The following STK32B variants were observed in gnomAD, a reference collection of about 807,000 sequenced individuals.
STK32B encodes serine/threonine-protein kinase 32B.
STK32B carries 43 observed loss-of-function variants against 52.6 expected under a neutral mutation model. The observed-to-expected ratio is 0.82, with a 90% CI of 0.64 to 1.05. The LOEUF is 1.05. Among genes scored for constraint, STK32B ranks in the 50% least tolerant of loss-of-function variants. STK32B has a pLI of 0.00. For missense variants in STK32B, 621 were observed against 534.6 expected (o/e 1.16, Z -1.59); for synonymous variants, 238 against 204.3 (o/e 1.17, Z -1.41).
At position 5,358,456 on chromosome 4, in the gene STK32B, C is replaced by T. The variant is rs571997231; in HGVS notation, c.434+27063C>T. Reference sequence around the variant, plus strand: ...GGTTAAAGCTTTATTCCCGTGTTCTCCCTCCAGCTCTGAATCTCTTCCCCA... The same window carrying T: ...GGTTAAAGCTTTATTCCCGTGTTCTTCCTCCAGCTCTGAATCTCTTCCCCA... On this transcript the variant is annotated intron_variant, in intron 4 of 11. Transcript: ENST00000282908. Among the ~76,000 whole-genome samples, 391 of 152,286 alleles carry T rather than the reference C, an allele frequency of 2.6e-3. 2 individuals carry two copies. The highest frequency in any genetic ancestry group is 8.9e-3 in the African/African-American group (370 of 41,552).
At position 5,315,053 on chromosome 4, in the gene STK32B, G is replaced by T. The variant is rs79058704; in HGVS notation, c.261-16167G>T. Among the ~76,000 whole-genome samples the T allele has an allele frequency of 6.8e-3, 1,039 of 152,136 alleles. 20 individuals carry two copies. Among genetic ancestry groups the T allele is most frequent in the Middle Eastern group, 0.017 (5 of 294 alleles). ...TTAAAAGACAAGCTACAGAGGAGAA[G>T]AAAATATTTGCAAACCACATATTTG... On this transcript the variant is annotated intron_variant, in intron 3 of 11. Transcript: ENST00000282908.
intron 9 of STK32B, among the ~76,000 whole-genome samples, chr4:5,462,362 A>G (rs1040152632): frequency 2.7e-5 from 4 of 146,966 alleles, no homozygotes; most frequent in South Asian, 2.2e-4. Context: ...GTGTGTGCCT[A>G]TATGTCTGTG....
intron 11 of STK32B, among the ~76,000 whole-genome samples, chr4:5,483,373 G>A (rs1165167863): frequency 9.9e-5 from 15 of 152,094 alleles, no homozygotes; most frequent in Admixed American, 2.0e-4. Context: ...GTTTATTTGC[G>A]TAGAGGTGTT....
At chr4:5,293,992 A>T (rs1242463338) in intron 3 of STK32B, among the ~76,000 whole-genome samples, 1 of 152,132 alleles carries the variant, frequency 6.6e-6, no homozygotes, top group African/African-American at 2.4e-5. Flanking sequence ...GTCCAGTTTC[A>T]GTTTTCTGCA....
chr4:5,277,816 T>C (rs574615028), intron 3 of STK32B, among the ~76,000 whole-genome samples: 1 of 152,352 alleles, frequency 6.6e-6, no homozygotes, highest in East Asian at 1.9e-4. Context: ...GATATGTTCC[T>C]GGCAACCTAT....
chr4:5,116,184 G>GCACA (rs146380270), intron 1 of STK32B, among the ~76,000 whole-genome samples: 43 of 149,046 alleles, frequency 2.9e-4, no homozygotes, highest in Non-Finnish European at 4.2e-4. Flanking sequence ...GTGCATGCAC[G>GCACA]CACACACACA....
intron 1 of STK32B, among the ~76,000 whole-genome samples, chr4:5,087,026 T>C (rs1028936696): frequency 6.6e-6 from 1 of 152,206 alleles, no homozygotes; most frequent in Non-Finnish European, 1.5e-5. Context: ...GTTAACTACA[T>C]GGATAAATGA....
At chr4:5,153,102 C>T (rs977731448) in intron 2 of STK32B, among the ~76,000 whole-genome samples, 17 of 152,208 alleles carry the variant, frequency 1.1e-4, no homozygotes, top group Non-Finnish European at 2.2e-4. Flanking sequence ...AATGTCCCTC[C>T]CAGATACAGA....
At chr4:5,383,510 C>T (rs1475159811) in intron 4 of STK32B, among the ~76,000 whole-genome samples, 1 of 152,210 alleles carries the variant, frequency 6.6e-6, no homozygotes, top group Non-Finnish European at 1.5e-5. Flanking sequence ...CATTGTGAGC[C>T]AGCTCAGATG....
rs115318309 is a variant in STK32B at position 5,469,441 on chromosome 4, C to A, written c.1106+1371C>A. ...GTCCTAAGGGACATGTAGGGGAAAA[C>A]GCGGCATTCCAGGAGTAGGAAAAGT... On this transcript the variant is annotated intron_variant, in intron 11 of 11. Coordinates refer to ENST00000282908, the MANE Select transcript of STK32B (RefSeq NM_018401.3). The surrounding 1 kb of genome is among the most constrained non-coding windows in gnomAD (Gnocchi z 4.7). Among the ~76,000 whole-genome samples the A allele has an allele frequency of 2.0e-5, 3 of 152,122 alleles. No homozygotes were observed. Among genetic ancestry groups the A allele is most frequent in the Non-Finnish European group, 4.4e-5 (3 of 68,034 alleles).
chr4:5,061,207 T>C (rs1343685999), intron 1 of STK32B, among the ~76,000 whole-genome samples: 3 of 152,224 alleles, frequency 2.0e-5, no homozygotes, highest in Non-Finnish European at 4.4e-5. Flanking sequence ...TCCTTGTTTT[T>C]AGTCTGAATA....
chr4:5,074,097 C>A (rs1040530402), intron 1 of STK32B, among the ~76,000 whole-genome samples: 1 of 151,958 alleles, frequency 6.6e-6, no homozygotes, highest in East Asian at 1.9e-4. Flanking sequence ...TTGTCTCTCT[C>A]CTCCTTTTAG....
intron 4 of STK32B, among the ~76,000 whole-genome samples, chr4:5,342,500 T>C (rs1733153607): frequency 1.3e-5 from 2 of 152,152 alleles, no homozygotes; most frequent in Non-Finnish European, 2.9e-5. Flanking sequence ...AACTGAACAA[T>C]GAGAACACTT....
intron 9 of STK32B, among the ~76,000 whole-genome samples, chr4:5,461,022 G>C (rs879301979): frequency 3.9e-5 from 6 of 152,186 alleles, no homozygotes; most frequent in Non-Finnish European, 5.9e-5. Flanking sequence ...GACAGACGCT[G>C]AAAGTTTGGA....
At position 5,378,799 on chromosome 4, in the gene STK32B, G is replaced by A. The variant is rs1179960985; in HGVS notation, c.435-19408G>A. On this transcript the variant is annotated intron_variant, in intron 4 of 11. Coordinates refer to ENST00000282908, the MANE Select transcript of STK32B (RefSeq NM_018401.3). The surrounding 1 kb of genome is among the most constrained non-coding windows in gnomAD (Gnocchi z 4.4). ...GGTAGATGAGTTTGTGACGGGGAGG[G>A]TTTCTTGGAGCCCCATCCCGAAGAC... is the stretch of plus-strand genomic sequence containing the variant. Among the ~76,000 whole-genome samples, 1 of 152,128 alleles carries A rather than the reference G, an allele frequency of 6.6e-6. No homozygotes were observed. The highest frequency in any genetic ancestry group is 1.5e-5 in the Non-Finnish European group (1 of 68,022).
At chr4:5,483,743 C>G (rs1397803017) in intron 11 of STK32B, among the ~76,000 whole-genome samples, 1 of 152,102 alleles carries the variant, frequency 6.6e-6, no homozygotes, top group Admixed American at 6.5e-5. Context: ...GAACTTCCCT[C>G]TACACACTGC....
intron 11 of STK32B, among the ~76,000 whole-genome samples, chr4:5,489,181 CAT>C (rs1490484429): frequency 6.6e-6 from 1 of 152,114 alleles, no homozygotes; most frequent in East Asian, 1.9e-4. Flanking sequence ...AAAGTTTATT[CAT>C]AGACATTTGT....
intron 1 of STK32B, among the ~76,000 whole-genome samples, chr4:5,120,928 TTTC>T (rs1714990845): frequency 1.3e-5 from 2 of 152,028 alleles, no homozygotes; most frequent in South Asian, 2.1e-4. Flanking sequence ...TTTGGTTTTA[TTTC>T]TTCTTTTTGT....
intron 11 of STK32B, among the ~76,000 whole-genome samples, chr4:5,494,076 C>T (rs561344343): frequency 6.6e-6 from 1 of 152,196 alleles, no homozygotes; most frequent in South Asian, 2.1e-4. Context: ...GTGGAGAGTT[C>T]TGTAGATGTC....
Sources: gnomAD v4.1 joint callset for allele counts (sites outside exome capture counted in the v4.1 genomes callset) on GRCh38, gnomAD v4.1.1 for gene constraint, Gnocchi (gnomAD v3.1) non-coding constraint, MANE v1.5 for transcripts, NCBI Gene and HGNC (gene_info 2026-07-23, HGNC 2026-07-21) for gene names.